The following SHANK2 variants were observed in gnomAD, a reference collection of about 807,000 sequenced individuals.
SHANK2 encodes SH3 and multiple ankyrin repeat domains 2, also known as SH3 and multiple ankyrin repeat domains protein 2.
SHANK2 carries 43 observed loss-of-function variants against 133.7 expected under a neutral mutation model. The ratio of observed to expected loss-of-function variants is 0.32; its 90% CI spans 0.25 to 0.41. The LOEUF is 0.41. Among genes scored for constraint, SHANK2 ranks in the 10% least tolerant of loss-of-function variants. SHANK2 has a pLI of 1.00. For missense variants in SHANK2, 1,994 were observed against 2,235.8 expected, an observed-to-expected ratio of 0.89 and a Z score of 2.18; for synonymous variants, 1,017 against 952.8, an observed-to-expected ratio of 1.07 and a Z score of -1.24.
chr11:70,765,874 T>A (rs559803198), intron 14 of SHANK2, among the ~76,000 whole-genome samples: 6 of 152,214 alleles, frequency 3.9e-5, no homozygotes, highest in Non-Finnish European at 7.3e-5. Flanking sequence ...TATCCTGAAC[T>A]GCTCTGAAAT....
At chr11:71,135,076 G>A (rs1191286854) in intron 3 of SHANK2, among the ~76,000 whole-genome samples, 6 of 152,152 alleles carry the variant, frequency 3.9e-5, no homozygotes, top group African/African-American at 1.4e-4. Context: ...CTTCTCTGCT[G>A]AGCCAACACA....
intron 11 of SHANK2, among the ~76,000 whole-genome samples, chr11:70,826,186 T>G (rs2135379370): frequency 6.6e-6 from 1 of 152,210 alleles, no homozygotes; most frequent in East Asian, 1.9e-4. Flanking sequence ...CCTAACACAC[T>G]CCGTGGCACG....
At chr11:71,057,194 C>A (rs1950931269) in intron 9 of SHANK2, among the ~76,000 whole-genome samples, 1 of 152,050 alleles carries the variant, frequency 6.6e-6, no homozygotes, top group Non-Finnish European at 1.5e-5. Context: ...ATTAGCCGGG[C>A]ATGGAGGCAT....
chr11:71,059,309 G>T (rs1950959514), intron 9 of SHANK2, among the ~76,000 whole-genome samples: 1 of 152,184 alleles, frequency 6.6e-6, no homozygotes, highest in Non-Finnish European at 1.5e-5. Context: ...CTGGGTTTCA[G>T]TCTGGGTGAA....
intron 17 of SHANK2, among the ~76,000 whole-genome samples, chr11:70,526,519 G>C (rs2059399205): frequency 6.6e-6 from 1 of 152,164 alleles, no homozygotes; most frequent in African/African-American, 2.4e-5. Flanking sequence ...ATGCATGTGT[G>C]CTCAGCGCAC....
chr11:71,182,688 A>G (rs77922059), intron 2 of SHANK2, among the ~76,000 whole-genome samples: 2 of 152,068 alleles, frequency 1.3e-5, no homozygotes, highest in African/African-American at 4.8e-5. Context: ...CAAAGTCCCT[A>G]TTTCCAAAGA....
At chr11:70,583,474 G>A (rs1472824813) in intron 17 of SHANK2, among the ~76,000 whole-genome samples, 5 of 152,224 alleles carry the variant, frequency 3.3e-5, no homozygotes, top group African/African-American at 7.2e-5. Context: ...GCAAGTGCTC[G>A]GTGAATACTG....
At chr11:71,225,602 A>G (rs1367443814) in intron 1 of SHANK2, among the ~76,000 whole-genome samples, 1 of 152,210 alleles carries the variant, frequency 6.6e-6, no homozygotes, top group Non-Finnish European at 1.5e-5. Context: ...TCATTAGAAA[A>G]TCACCCATCA....
At chr11:71,086,552 T>C (rs1195031234) in intron 8 of SHANK2, among the ~76,000 whole-genome samples, 6 of 142,870 alleles carry the variant, frequency 4.2e-5, no homozygotes, top group African/African-American at 7.7e-5. Context: ...ATATTATATA[T>C]AATAATATAT....
intron 17 of SHANK2, among the ~76,000 whole-genome samples, chr11:70,561,853 G>A (rs577205047): frequency 5.9e-5 from 9 of 152,164 alleles, no homozygotes; most frequent in African/African-American, 2.2e-4. Context: ...GTTTTAATTT[G>A]CTCTTTTCCT....
chr11:70,687,306 G>C (rs114053872), intron 15 of SHANK2, among the ~76,000 whole-genome samples: 146 of 152,298 alleles, frequency 9.6e-4, no homozygotes, highest in African/African-American at 3.3e-3. Flanking sequence ...CTGCTTGCTG[G>C]AGCTTCAGAT....
chr11:70,837,082 T>C (rs1948830018), intron 11 of SHANK2, among the ~76,000 whole-genome samples: 1 of 152,224 alleles, frequency 6.6e-6, no homozygotes, highest in Non-Finnish European at 1.5e-5. Flanking sequence ...CAATCAAGGC[T>C]GGCACCTTGA....
chr11:70,706,996 CAAAG>C (rs1464026191), intron 14 of SHANK2, among the ~76,000 whole-genome samples: 1 of 152,054 alleles, frequency 6.6e-6, no homozygotes, highest in Non-Finnish European at 1.5e-5. Context: ...GGATTTTTCT[CAAAG>C]AAATTTACTA....
At chr11:70,819,682 T>C (rs1948476639) in intron 12 of SHANK2, among the ~76,000 whole-genome samples, 1 of 152,082 alleles carries the variant, frequency 6.6e-6, no homozygotes, top group Non-Finnish European at 1.5e-5. Flanking sequence ...TGTCCTTGTC[T>C]AGGAAATGGA....
chr11:70,594,805 C>T (rs1243239924), intron 17 of SHANK2, among the ~76,000 whole-genome samples: 1 of 152,204 alleles, frequency 6.6e-6, no homozygotes, highest in Non-Finnish European at 1.5e-5. Context: ...ACAGTGGCTG[C>T]GTCTGCCCTT....
chr11:71,186,537 C>G (rs1292291183), intron 2 of SHANK2, among the ~76,000 whole-genome samples: 1 of 152,236 alleles, frequency 6.6e-6, no homozygotes, highest in Non-Finnish European at 1.5e-5. Flanking sequence ...GCCCACAGCT[C>G]TCTACTTCCT....
At chr11:71,248,645 C>T (rs1204369222) in intron 1 of SHANK2, among the ~76,000 whole-genome samples, 1 of 152,198 alleles carries the variant, frequency 6.6e-6, no homozygotes. Flanking sequence ...GAGAGTCTCA[C>T]TACCTGCGCT....
chr11:71,082,915 G>A (rs1160205954), intron 8 of SHANK2, among the ~76,000 whole-genome samples: 1 of 152,006 alleles, frequency 6.6e-6, no homozygotes, highest in Non-Finnish European at 1.5e-5. Flanking sequence ...GGCACTCTCT[G>A]AATACAACGG....
At chr11:70,873,119 G>A in intron 11 of SHANK2, 1 of 471,252 alleles carries the variant, frequency 2.1e-6, no homozygotes, top group Non-Finnish European at 4.4e-6. Context: ...GCAGTTTATA[G>A]AATGATATGT....
Sources: allele counts gnomAD v4.1 joint callset (sites outside exome capture counted in the v4.1 genomes callset), GRCh38; gene constraint gnomAD v4.1.1; transcripts MANE v1.5; gene names NCBI Gene and HGNC (gene_info 2026-07-23, HGNC 2026-07-21).